Variants in SGK3 observed in about 807,000 individuals in gnomAD.
The protein encoded by SGK3 is serine/threonine-protein kinase Sgk3.
SGK3 carries 47 observed loss-of-function variants against 68.5 expected under a neutral mutation model. The observed-to-expected ratio is 0.69, with a 90% CI of 0.54 to 0.87. SGK3 has a LOEUF of 0.87. Among genes scored for constraint, SGK3 ranks in the 40% least tolerant of loss-of-function variants. The pLI, the probability that SGK3 is intolerant of heterozygous loss-of-function variation, is 0.00. For missense variants in SGK3, 479 were observed against 575.5 expected (o/e 0.83, Z 1.72); for synonymous variants, 181 against 189.1 (o/e 0.96, Z 0.35).
intron 1 of SGK3, among the ~76,000 whole-genome samples, chr8:66,786,143 A>ATGTACT (rs1807189804): frequency 6.6e-6 from 1 of 152,250 alleles, no homozygotes; most frequent in African/African-American, 2.4e-5. Flanking sequence ...TAGAATAAAT[A>ATGTACT]TGTACTACAT....
At chr8:66,752,212 AG>A (rs1283097166) in intron 1 of SGK3, among the ~76,000 whole-genome samples, 1 of 152,150 alleles carries the variant, frequency 6.6e-6, no homozygotes, top group African/African-American at 2.4e-5. Flanking sequence ...TGCGTAGTAG[AG>A]GGGGAAGACA....
chr8:66,829,857 C>CA (rs1333824813), intron 7 of SGK3, among the ~76,000 whole-genome samples: 2 of 148,890 alleles, frequency 1.3e-5, no homozygotes, highest in Non-Finnish European at 1.5e-5. Context: ...AATGGCAGCA[C>CA]AAAAAATGGA....
chr8:66,842,170 GTATAT>G (rs1359736749), intron 13 of SGK3, among the ~76,000 whole-genome samples: 1 of 148,602 alleles, frequency 6.7e-6, no homozygotes, highest in East Asian at 2.0e-4. Flanking sequence ...CTTTGTTATT[GTATAT>G]TAATTTCATA....
chr8:66,747,268 A>C (rs1281088805), intron 1 of SGK3, among the ~76,000 whole-genome samples: 1 of 151,982 alleles, frequency 6.6e-6, no homozygotes, highest in Admixed American at 6.6e-5. Flanking sequence ...TTATTCCCTA[A>C]CCTCATTTTA....
In SGK3 at chr8:66,834,495, G is replaced by T. The variant is rs995574036; in HGVS notation, c.526-1268G>T. Among the ~76,000 whole-genome samples, 18 of 150,228 alleles carry T rather than the reference G, an allele frequency of 1.2e-4. No individual in the cohort carries two copies. In the South Asian group the frequency reaches 2.1e-3, roughly 17 times the overall value. On this transcript the variant is annotated intron_variant, in intron 8 of 16. Transcript: ENST00000521198. Reference sequence around the variant, plus strand: ...GTTTTGTTTTGTTTTGTTTTGTTTTGTTTTTTTGAACTGCATACTGGTTAC... The same window carrying T: ...GTTTTGTTTTGTTTTGTTTTGTTTTTTTTTTTTGAACTGCATACTGGTTAC...
In SGK3 at chr8:66,758,011, T is replaced by TACACACACACACACACACACACAC. The variant is rs374764386; in HGVS notation, c.-121-35602_-121-35579dup. ...TATGTATATATATACACACACACAC[T>TACACACACACACACACACACACAC]ACACACACACACACACACACACACA... On this transcript the variant is annotated intron_variant, in intron 1 of 16. Coordinates refer to ENST00000521198, the MANE Select transcript of SGK3 (RefSeq NM_001033578.3). Among the ~76,000 whole-genome samples, 128 of 133,700 alleles carry TACACACACACACACACACACACAC rather than the reference T, an allele frequency of 9.6e-4. 1 individual carries two copies. The highest frequency in any genetic ancestry group is 2.9e-3 in the African/African-American group (102 of 35,110). The allele number at this position is 133,700 out of a possible 152,430, so 87.7% of individuals were successfully genotyped here.
chr8:66,744,566 G>A (rs559476198), intron 1 of SGK3, among the ~76,000 whole-genome samples: 1 of 110,954 alleles, frequency 9.0e-6, no homozygotes, highest in East Asian at 3.1e-4. Flanking sequence ...TCACTCTGTT[G>A]CAAAGGCTGG....
At chr8:66,829,442 A>G (rs1809209849) in intron 7 of SGK3, among the ~76,000 whole-genome samples, 1 of 152,238 alleles carries the variant, frequency 6.6e-6, no homozygotes, top group Non-Finnish European at 1.5e-5. Context: ...TTATGAGATC[A>G]GGAAAGAACT....
chr8:66,800,231 C>CTT (rs1349811982), intron 3 of SGK3, among the ~76,000 whole-genome samples: 1 of 151,044 alleles, frequency 6.6e-6, no homozygotes, highest in East Asian at 2.0e-4. Flanking sequence ...GTCCCAGCTA[C>CTT]TTGGGAGGCT....
At chr8:66,804,269 C>A (rs1808065244) in intron 3 of SGK3, 106 bp from the exon 4 acceptor site, 4 of 945,212 alleles carry the variant, frequency 4.2e-6, no homozygotes, top group Non-Finnish European at 6.1e-6. Context: ...AAAAGTATGT[C>A]TTATGATGGA....
At chr8:66,841,845 C>A (rs1286350363) in intron 13 of SGK3, among the ~76,000 whole-genome samples, 1 of 152,134 alleles carries the variant, frequency 6.6e-6, no homozygotes, top group Non-Finnish European at 1.5e-5. Flanking sequence ...CCTTACAAAT[C>A]ATGTAAAAGC....
chr8:66,807,224 G>A (rs1808204905), intron 4 of SGK3, among the ~76,000 whole-genome samples: 2 of 152,176 alleles, frequency 1.3e-5, no homozygotes, highest in Admixed American at 1.3e-4. Context: ...GGTCTGCCCT[G>A]GGTGACTGAG....
At position 66,747,608 on chromosome 8, in the gene SGK3, A is replaced by C. The variant is rs555024622; in HGVS notation, c.-122+34775A>C. On this transcript the variant is annotated intron_variant, in intron 1 of 16. Coordinates refer to ENST00000521198, the MANE Select transcript of SGK3 (RefSeq NM_001033578.3). ...GTTCTCACTTTGCCACTCAGGCGAG[A>C]GTGCAGTGATGTGATCTCAGCTCAC... 3.9e-5 allele frequency among the ~76,000 whole-genome samples: 6 copies of C among 152,074 alleles called. No homozygotes were observed. The South Asian group carries it at 1.2e-3, about 32-fold the overall frequency.
chr8:66,809,053 G>C (rs1459752580), intron 4 of SGK3, among the ~76,000 whole-genome samples: 7 of 151,520 alleles, frequency 4.6e-5, no homozygotes, highest in Admixed American at 3.3e-4. Flanking sequence ...ATTTTTAGTA[G>C]AGACAGGGTT....
intron 1 of SGK3, among the ~76,000 whole-genome samples, chr8:66,718,533 C>T (rs369515457): frequency 2.0e-5 from 3 of 149,946 alleles, no homozygotes; most frequent in Non-Finnish European, 3.0e-5. Context: ...TGTTTTGTTT[C>T]GTTTGTTTTT....
intron 1 of SGK3, among the ~76,000 whole-genome samples, chr8:66,749,518 A>G (rs561247348): frequency 3.3e-4 from 50 of 152,232 alleles, no homozygotes; most frequent in Non-Finnish European, 7.4e-5. Context: ...GCACACATCT[A>G]TTGGTGAATG....
intron 4 of SGK3, among the ~76,000 whole-genome samples, chr8:66,811,845 T>C (rs997015345): frequency 3.3e-5 from 5 of 152,238 alleles, no homozygotes; most frequent in African/African-American, 1.2e-4. Context: ...TCTCGAGAAA[T>C]AACTGTGTTT....
intron 4 of SGK3, among the ~76,000 whole-genome samples, chr8:66,806,406 AAAGAGAAGC>A (rs1218218544): frequency 6.6e-6 from 1 of 152,218 alleles, no homozygotes; most frequent in Non-Finnish European, 1.5e-5. Flanking sequence ...ACCCATTAAT[AAAGAGAAGC>A]AAGAGAAAAT....
At chr8:66,847,111 C>G in intron 14 of SGK3, 82 bp from the exon 15 acceptor site, 1 of 1,541,402 alleles carries the variant, frequency 6.5e-7, no homozygotes, top group Non-Finnish European at 8.7e-7. Flanking sequence ...ACTGACTGCT[C>G]CCTCAAGATT....
Sources: allele counts gnomAD v4.1 joint callset (sites outside exome capture counted in the v4.1 genomes callset), GRCh38; gene constraint gnomAD v4.1.1; transcripts MANE v1.5; gene names NCBI Gene and HGNC (gene_info 2026-07-23, HGNC 2026-07-21).